POU6F2: variants seen among roughly 807,000 people sequenced by gnomAD.
The protein encoded by POU6F2 is POU domain, class 6, transcription factor 2.
Under a neutral mutation model 71.3 loss-of-function variants are expected in POU6F2, and 31 were observed. That is an observed-to-expected ratio of 0.43 (90% CI 0.33 to 0.59). The LOEUF is 0.59. Among genes scored for constraint, POU6F2 ranks in the 20% least tolerant of loss-of-function variants. The pLI is 0.04. For synonymous variants in POU6F2, 347 were observed against 355.7 expected, an observed-to-expected ratio of 0.98 and a Z score of 0.27; for missense variants, 783 against 856.8, an observed-to-expected ratio of 0.91 and a Z score of 1.07.
At chr7:39,432,257 G>T (rs73388309) in intron 6 of POU6F2, among the ~76,000 whole-genome samples, 5,201 of 152,190 alleles carry the variant, frequency 0.034, 252 homozygotes, top group African/African-American at 0.11. Flanking sequence ...GCAGAGAAGA[G>T]CCTCCCCTGC....
In POU6F2 at chr7:39,061,304, T is replaced by G. The variant is rs200738501; in HGVS notation, c.106-24556T>G. Among the ~76,000 whole-genome samples, 227 of 152,234 alleles carry G rather than the reference T, an allele frequency of 1.5e-3. 6 individuals are homozygous for G. The South Asian group carries it at 0.025, about 17-fold the overall frequency. On this transcript the variant is annotated intron_variant, in intron 1 of 9. Transcript: ENST00000518318. The stretch of plus-strand genomic sequence containing the variant: ...AGAAAGCAAGAAACATGCAGATATG[T>G]AGTTGGAAAAGGAAGGAGTATTTTG...
At chr7:39,186,731 T>G (rs1389178860) in intron 2 of POU6F2, among the ~76,000 whole-genome samples, 1 of 152,216 alleles carries the variant, frequency 6.6e-6, no homozygotes, top group Non-Finnish European at 1.5e-5. Context: ...CCCTGAGTAG[T>G]GCCTGTCATC....
chr7:39,011,872 A>G (rs1365326338), intron 1 of POU6F2, among the ~76,000 whole-genome samples: 8 of 151,156 alleles, frequency 5.3e-5, no homozygotes, highest in Admixed American at 5.3e-4. Flanking sequence ...TCTGGCTTGT[A>G]GGGTTTCTGC....
At chr7:39,248,824 C>A (rs997307397) in intron 4 of POU6F2, among the ~76,000 whole-genome samples, 4 of 152,176 alleles carry the variant, frequency 2.6e-5, no homozygotes, top group African/African-American at 7.2e-5. Flanking sequence ...CAGGTTAGCC[C>A]AGTTAGTCCC....
chr7:39,219,010 G>C (rs187068086), intron 4 of POU6F2, among the ~76,000 whole-genome samples: 16 of 152,250 alleles, frequency 1.1e-4, no homozygotes, highest in Admixed American at 5.9e-4. Flanking sequence ...TTCAAGCCCT[G>C]GAAGAGGAAG....
At chr7:39,459,811 C>G (rs1040507904) in intron 8 of POU6F2, among the ~76,000 whole-genome samples, 3 of 152,086 alleles carry the variant, frequency 2.0e-5, no homozygotes, top group African/African-American at 7.2e-5. Context: ...GTTTCATTCT[C>G]CAGCTGTTGT....
At chr7:39,323,595 C>A (rs1382026101) in intron 4 of POU6F2, among the ~76,000 whole-genome samples, 2 of 152,108 alleles carry the variant, frequency 1.3e-5, no homozygotes, top group Admixed American at 6.5e-5. Flanking sequence ...AGTGCCCCCC[C>A]TCATTCTCTA....
intron 3 of POU6F2, 82 bp from the exon 4 acceptor site, chr7:39,207,310 A>T: frequency 1.5e-6 from 2 of 1,324,458 alleles, no homozygotes; most frequent in East Asian, 2.3e-5. Context: ...TTCTGACCCT[A>T]CTTAAGTGGA....
chr7:39,171,216 G>C (rs1472574250), intron 2 of POU6F2, among the ~76,000 whole-genome samples: 1 of 151,608 alleles, frequency 6.6e-6, no homozygotes, highest in Middle Eastern at 3.4e-3. Context: ...ACAGGCCCTG[G>C]TGTATGATGT....
intron 2 of POU6F2, among the ~76,000 whole-genome samples, chr7:39,089,043 C>A (rs531521976): frequency 7.5e-4 from 114 of 152,290 alleles, no homozygotes; most frequent in Non-Finnish European, 1.4e-3. Flanking sequence ...CTCTGAGCAG[C>A]TCAGAATACC....
At position 39,220,028 on chromosome 7, in the gene POU6F2, TG is replaced by T. The variant is rs1794317475; in HGVS notation, c.598+12409del. On this transcript the variant is annotated intron_variant, in intron 4 of 9. Coordinates refer to ENST00000518318, the MANE Select transcript of POU6F2 (RefSeq NM_001370959.1). ...ATAGAATGGTAACATGAAGACACAGTGCTATAATTTGATTGATTTGTTTTGA... is the reference window on the plus strand; with the variant it reads ...ATAGAATGGTAACATGAAGACACAGTCTATAATTTGATTGATTTGTTTTGA... Among the ~76,000 whole-genome samples, 3 of 152,296 alleles carry T rather than the reference TG, an allele frequency of 2.0e-5. No homozygotes were observed. The South Asian group carries it at 6.2e-4, about 32-fold the overall frequency.
intron 4 of POU6F2, among the ~76,000 whole-genome samples, chr7:39,300,494 G>A (rs141923478): frequency 6.6e-6 from 1 of 152,156 alleles, no homozygotes; most frequent in Non-Finnish European, 1.5e-5. Context: ...ACTTAACTTC[G>A]GCATAGTTGG....
At chr7:39,119,018 G>A (rs180745078) in intron 2 of POU6F2, among the ~76,000 whole-genome samples, 89 of 152,312 alleles carry the variant, frequency 5.8e-4, no homozygotes, top group Non-Finnish European at 8.2e-4. Flanking sequence ...TTAAACAACT[G>A]CATCTCCTAT....
At chr7:39,068,094 C>T (rs556728670) in intron 1 of POU6F2, among the ~76,000 whole-genome samples, 272 of 152,116 alleles carry the variant, frequency 1.8e-3, no homozygotes, top group Non-Finnish European at 3.2e-3. Context: ...CAAGAGATTG[C>T]CTGGTTTTTT....
At chr7:39,055,672 T>C (rs542751141) in intron 1 of POU6F2, among the ~76,000 whole-genome samples, 1 of 152,238 alleles carries the variant, frequency 6.6e-6, no homozygotes, top group African/African-American at 2.4e-5. Context: ...AGTCTGTATG[T>C]TTGAGCAAGA....
chr7:39,269,057 T>A (rs1784299568), intron 4 of POU6F2, among the ~76,000 whole-genome samples: 3 of 152,242 alleles, frequency 2.0e-5, no homozygotes, highest in Non-Finnish European at 2.9e-5. Context: ...TTATTATAAA[T>A]TAGCTTCCTT....
At chr7:39,409,026 C>T (rs1260041469) in intron 6 of POU6F2, among the ~76,000 whole-genome samples, 2 of 152,110 alleles carry the variant, frequency 1.3e-5, no homozygotes, top group Non-Finnish European at 2.9e-5. Context: ...ATTCCTTTGG[C>T]TTATGTTAAT....
At chr7:39,055,570 G>C (rs1000592261) in intron 1 of POU6F2, among the ~76,000 whole-genome samples, 2 of 152,090 alleles carry the variant, frequency 1.3e-5, no homozygotes, top group Non-Finnish European at 2.9e-5. Flanking sequence ...TCTCCAATTA[G>C]AAGCAAATAG....
At chr7:39,150,498 ACT>A (rs1270563081) in intron 2 of POU6F2, among the ~76,000 whole-genome samples, 2 of 114,788 alleles carry the variant, frequency 1.7e-5, no homozygotes, top group African/African-American at 3.4e-5. Context: ...ACAGAGTCTC[ACT>A]CTGTTTCCCA....
Sources: allele counts gnomAD v4.1 joint callset (sites outside exome capture counted in the v4.1 genomes callset), GRCh38; gene constraint gnomAD v4.1.1; transcripts MANE v1.5; gene names NCBI Gene and HGNC (gene_info 2026-07-23, HGNC 2026-07-21).